The following KLF12 variants were observed in gnomAD, a reference collection of about 807,000 sequenced individuals.
KLF12 encodes Krueppel-like factor 12.
A neutral mutation model predicts 37.8 loss-of-function variants in KLF12; 9 were observed. That is an observed-to-expected ratio of 0.24 (90% CI 0.14 to 0.42). KLF12 has a LOEUF of 0.42. Among genes scored for constraint, KLF12 ranks in the 10% least tolerant of loss-of-function variants. KLF12 has a pLI of 1.00. For synonymous variants in KLF12, 208 were observed against 202.1 expected (o/e 1.03, Z -0.25); for missense variants, 411 against 516.0 (o/e 0.80, Z 1.97).
chr13:74,257,613 G>A, the KLF12 span: 1 of 152,152 alleles, frequency 6.6e-6, no homozygotes, highest in Non-Finnish European at 1.5e-5. Context: ...CTTGGCACAA[G>A]GACATGATTT....
At chr13:73,747,632 C>A (rs541398162) in intron 6 of KLF12, among the ~76,000 whole-genome samples, 6 of 152,126 alleles carry the variant, frequency 3.9e-5, no homozygotes, top group Middle Eastern at 3.4e-3. Context: ...TTATTTATTG[C>A]GTTTGGTAAA....
chr13:74,103,664 C>G (rs932085666), intron 1 of KLF12, among the ~76,000 whole-genome samples: 4 of 152,072 alleles, frequency 2.6e-5, no homozygotes, highest in Non-Finnish European at 4.4e-5. Context: ...CATAAACAAC[C>G]AAAATTAAGG....
intron 1 of KLF12, among the ~76,000 whole-genome samples, chr13:74,114,212 C>T (rs566490184): frequency 4.6e-5 from 7 of 152,108 alleles, no homozygotes; most frequent in African/African-American, 9.7e-5. Flanking sequence ...ACCACCACCC[C>T]GATCAGTCAG....
chr13:74,233,422 G>A, the KLF12 span, among the ~76,000 whole-genome samples: 3 of 152,082 alleles, frequency 2.0e-5, no homozygotes, highest in Non-Finnish European at 4.4e-5. Flanking sequence ...AGAAAAACAC[G>A]AGAGTGCCTC....
At chr13:73,774,304 C>CTA (rs1250631346) in intron 5 of KLF12, among the ~76,000 whole-genome samples, 1,435 of 138,118 alleles carry the variant, frequency 0.01, 13 homozygotes, top group Middle Eastern at 0.038. Flanking sequence ...ACACACACAT[C>CTA]TATATATATA....
chr13:73,732,007 C>T (rs137999026), intron 6 of KLF12, among the ~76,000 whole-genome samples: 71 of 151,866 alleles, frequency 4.7e-4, no homozygotes, highest in Admixed American at 1.2e-3. Context: ...AAATACTTTG[C>T]GTAAGGAGGT....
intron 1 of KLF12, among the ~76,000 whole-genome samples, chr13:74,028,058 G>A (rs1054500303): frequency 6.6e-6 from 1 of 152,116 alleles, no homozygotes; most frequent in South Asian, 2.1e-4. Flanking sequence ...GCTAGAAAGT[G>A]GCAGGAAGAA....
At chr13:73,964,014 G>C (rs970099067) in intron 2 of KLF12, among the ~76,000 whole-genome samples, 2 of 152,186 alleles carry the variant, frequency 1.3e-5, no homozygotes, top group Non-Finnish European at 2.9e-5. Flanking sequence ...TTCAACTCAT[G>C]CGTTTGTTTC....
At chr13:73,877,332 T>TA in intron 3 of KLF12, among the ~76,000 whole-genome samples, 1 of 152,346 alleles carries the variant, frequency 6.6e-6, no homozygotes, top group Middle Eastern at 3.4e-3. Flanking sequence ...TGCCTTTTTT[T>TA]AGTCATTATT....
chr13:74,293,708 T>C, the KLF12 span, among the ~76,000 whole-genome samples: 1 of 152,192 alleles, frequency 6.6e-6, no homozygotes, highest in Admixed American at 6.5e-5. Flanking sequence ...TGCCACCTAA[T>C]CATCCAGTTA....
chr13:74,262,062 T>C, the KLF12 span, among the ~76,000 whole-genome samples: 1 of 152,208 alleles, frequency 6.6e-6, no homozygotes, highest in African/African-American at 2.4e-5. Context: ...TGTGGTCTGG[T>C]CTACAATTTT....
chr13:73,721,150 T>C (rs1876215095), intron 6 of KLF12, among the ~76,000 whole-genome samples: 1 of 152,168 alleles, frequency 6.6e-6, no homozygotes, highest in African/African-American at 2.4e-5. Flanking sequence ...GTACACTGTA[T>C]CCCTCTTTTA....
At chr13:74,127,548 A>T (rs1749939109) in intron 1 of KLF12, among the ~76,000 whole-genome samples, 1 of 152,264 alleles carries the variant, frequency 6.6e-6, no homozygotes, top group Non-Finnish European at 1.5e-5. Context: ...AATTGGAGTC[A>T]GGCAAGATAC....
At chr13:74,201,761 T>C in the KLF12 span, among the ~76,000 whole-genome samples, 4 of 152,150 alleles carry the variant, frequency 2.6e-5, no homozygotes, top group Admixed American at 6.6e-5. Context: ...TGACAGTCTT[T>C]GCCAAGCAGG....
chr13:73,854,509 A>G (rs910907198), intron 3 of KLF12, among the ~76,000 whole-genome samples: 4 of 152,246 alleles, frequency 2.6e-5, no homozygotes, highest in African/African-American at 7.2e-5. Flanking sequence ...CCTACACAGG[A>G]TAAACATGTA....
chr13:74,291,929 C>G, the KLF12 span, among the ~76,000 whole-genome samples: 1 of 152,138 alleles, frequency 6.6e-6, no homozygotes, highest in African/African-American at 2.4e-5. Context: ...AGAGTCTGAT[C>G]ACAGGTTAGC....
chr13:74,165,345 G>C, the KLF12 span, among the ~76,000 whole-genome samples: 2 of 144,376 alleles, frequency 1.4e-5, no homozygotes, highest in Non-Finnish European at 3.0e-5. Flanking sequence ...CTGTCACCAA[G>C]GCTAGAGTGC....
the KLF12 span, among the ~76,000 whole-genome samples, chr13:74,190,973 A>T: frequency 6.6e-6 from 1 of 152,170 alleles, no homozygotes; most frequent in Non-Finnish European, 1.5e-5. Flanking sequence ...TGGGACCTGC[A>T]GTTACTCTGC....
chr13:74,018,801 G>A (rs79001949), intron 1 of KLF12, among the ~76,000 whole-genome samples: 12 of 152,220 alleles, frequency 7.9e-5, no homozygotes, highest in East Asian at 3.9e-4. Context: ...CAGATCATTC[G>A]CAAATGTAGT....
Sources: allele counts gnomAD v4.1 joint callset (sites outside exome capture counted in the v4.1 genomes callset), GRCh38; gene constraint gnomAD v4.1.1; transcripts MANE v1.5; gene names NCBI Gene and HGNC (gene_info 2026-07-23, HGNC 2026-07-21).